Variants in LRMDA observed in about 807,000 individuals in gnomAD.
LRMDA encodes the protein leucine-rich melanocyte differentiation-associated protein.
LRMDA carries 18 observed loss-of-function variants against 29.8 expected under a neutral mutation model. The ratio of observed to expected loss-of-function variants is 0.60; its 90% confidence interval spans 0.42 to 0.90. LRMDA has a LOEUF of 0.90. Ranked by LOEUF, LRMDA falls within the 40% of genes least tolerant of loss-of-function variation. The pLI is 0.00. For missense variants in LRMDA, 273 were observed against 273.9 expected, an observed-to-expected ratio of 1.00 and a Z score of 0.02; for synonymous variants, 125 against 109.4, an observed-to-expected ratio of 1.14 and a Z score of -0.89.
intron 2 of LRMDA, among the ~76,000 whole-genome samples, chr10:75,900,973 G>C (rs1378536381): frequency 6.6e-6 from 1 of 152,168 alleles, no homozygotes; most frequent in Non-Finnish European, 1.5e-5. Context: ...CAAAAAGGTA[G>C]TCCTTGGCTG....
At position 76,220,124 on chromosome 10, in the gene LRMDA, A is replaced by G. The variant is rs192810769; in HGVS notation, c.517-104277A>G. ...CTGGGAAACATTCAAAGCAGTGTGT[A>G]CAGGGAAATTTATAGCACTAAATGC... On this transcript the variant is annotated intron_variant, in intron 5 of 6. Transcript: ENST00000611255. Among the ~76,000 whole-genome samples the G allele has an allele frequency of 4.7e-3, 720 of 152,346 alleles. 7 individuals carry two copies. The highest frequency in any genetic ancestry group is 0.017 in the African/African-American group (694 of 41,570).
chr10:76,218,803 AT>A (rs1461062785), intron 5 of LRMDA, among the ~76,000 whole-genome samples: 1 of 152,166 alleles, frequency 6.6e-6, no homozygotes, highest in Non-Finnish European at 1.5e-5. Flanking sequence ...CAGCAAGAGA[AT>A]TACTCAGCTC....
chr10:75,476,667 A>G (rs566467724), intron 2 of LRMDA, among the ~76,000 whole-genome samples: 2 of 152,240 alleles, frequency 1.3e-5, no homozygotes, highest in South Asian at 4.2e-4. Context: ...CTTCCTCTTT[A>G]CCTGAGCTCC....
intron 2 of LRMDA, chr10:75,742,897 T>TAAA (rs1463275495): frequency 6.6e-6 from 1 of 152,236 alleles, no homozygotes; most frequent in African/African-American, 2.4e-5. Context: ...AGAATCACTT[T>TAAA]AATGTATGAT....
At chr10:75,527,306 G>A (rs896527558) in intron 2 of LRMDA, among the ~76,000 whole-genome samples, 10 of 152,162 alleles carry the variant, frequency 6.6e-5, no homozygotes, top group Non-Finnish European at 1.2e-4. Flanking sequence ...TGGGTTTTGG[G>A]TTGATTTTAC....
chr10:75,982,486 C>T (rs531808125), intron 2 of LRMDA, among the ~76,000 whole-genome samples: 1 of 152,226 alleles, frequency 6.6e-6, no homozygotes. Flanking sequence ...GTGTGGATTC[C>T]CCCTGTTAGC....
chr10:75,950,587 A>C (rs1244796423), intron 2 of LRMDA, among the ~76,000 whole-genome samples: 1 of 152,224 alleles, frequency 6.6e-6, no homozygotes, highest in East Asian at 1.9e-4. Flanking sequence ...TTCAAGGCCC[A>C]ACATCAGAGC....
intron 2 of LRMDA, among the ~76,000 whole-genome samples, chr10:75,830,591 C>T (rs943785395): frequency 2.1e-4 from 31 of 151,130 alleles, no homozygotes; most frequent in African/African-American, 7.7e-4. Context: ...ACCATCAGAT[C>T]TTGTGAGGCC....
intron 2 of LRMDA, among the ~76,000 whole-genome samples, chr10:75,962,086 G>A (rs921775400): frequency 3.9e-5 from 6 of 152,268 alleles, no homozygotes; most frequent in South Asian, 2.1e-4. Context: ...TCATTTCATC[G>A]TATTACATCT....
intron 6 of LRMDA, among the ~76,000 whole-genome samples, chr10:76,510,590 T>G (rs947027522): frequency 6.6e-6 from 1 of 152,182 alleles, no homozygotes; most frequent in Non-Finnish European, 1.5e-5. Flanking sequence ...TAATGCCAGG[T>G]AACCTAAGCC....
chr10:76,052,308 AACTTGGT>A (rs1477715401), intron 4 of LRMDA, among the ~76,000 whole-genome samples: 1 of 152,260 alleles, frequency 6.6e-6, no homozygotes, highest in East Asian at 1.9e-4. Context: ...AAGAATTGGA[AACTTGGT>A]ACTTCTTGAA....
intron 4 of LRMDA, among the ~76,000 whole-genome samples, chr10:76,058,277 G>A (rs1898082): frequency 0.36 from 55,206 of 152,100 alleles, 11,223 homozygotes; most frequent in Non-Finnish European, 0.45. Flanking sequence ...TGGCAGTGAC[G>A]TAAAGGGTAC....
chr10:75,576,057 G>A (rs1840502362), intron 2 of LRMDA, among the ~76,000 whole-genome samples: 3 of 151,884 alleles, frequency 2.0e-5, no homozygotes, highest in Admixed American at 2.0e-4. Flanking sequence ...AAGCCAGAGA[G>A]CCAAGTGTCT....
intron 6 of LRMDA, among the ~76,000 whole-genome samples, chr10:76,482,754 G>T (rs1334032920): frequency 6.6e-6 from 1 of 151,960 alleles, no homozygotes; most frequent in Non-Finnish European, 1.5e-5. Context: ...AGCAGATGTT[G>T]CCAGATAGTT....
At chr10:75,677,230 T>C (rs1841970601) in intron 2 of LRMDA, among the ~76,000 whole-genome samples, 1 of 152,206 alleles carries the variant, frequency 6.6e-6, no homozygotes, top group African/African-American at 2.4e-5. Flanking sequence ...ACTTAATTTA[T>C]AGACTAAGAA....
chr10:76,016,345 G>GT (rs1434129825), intron 2 of LRMDA, among the ~76,000 whole-genome samples: 1 of 147,966 alleles, frequency 6.8e-6, no homozygotes, highest in African/African-American at 2.5e-5. Context: ...CAAATACTCT[G>GT]ATTTTTTTTT....
chr10:76,218,425 T>C (rs1371749129), intron 5 of LRMDA, among the ~76,000 whole-genome samples: 1 of 152,212 alleles, frequency 6.6e-6, no homozygotes, highest in Non-Finnish European at 1.5e-5. Context: ...GTAGCAGTTC[T>C]TCCCTGCAAT....
chr10:76,225,068 T>C (rs889178251), intron 5 of LRMDA, among the ~76,000 whole-genome samples: 11 of 152,084 alleles, frequency 7.2e-5, no homozygotes, highest in Non-Finnish European at 1.5e-4. Flanking sequence ...TGTCTCTGTG[T>C]GCTATGGTTT....
At chr10:76,149,176 G>A (rs1370839129) in intron 5 of LRMDA, among the ~76,000 whole-genome samples, 2 of 152,172 alleles carry the variant, frequency 1.3e-5, no homozygotes, top group Non-Finnish European at 2.9e-5. Context: ...CTGGAATTCT[G>A]TATCTCCTTT....
Sources: gnomAD v4.1 joint callset for allele counts (sites outside exome capture counted in the v4.1 genomes callset) on GRCh38, gnomAD v4.1.1 for gene constraint, MANE v1.5 for transcripts, NCBI Gene and HGNC (gene_info 2026-07-23, HGNC 2026-07-21) for gene names.